ABCC5: variants seen among roughly 807,000 people sequenced by gnomAD.
ABCC5 encodes ATP binding cassette subfamily C member 5.
Under a neutral mutation model 160.9 loss-of-function variants are expected in ABCC5, and 61 were observed. That is an observed-to-expected ratio of 0.38 (90% CI 0.31 to 0.47). The LOEUF (loss-of-function observed/expected upper bound fraction) is 0.47. Among genes scored for constraint, ABCC5 ranks in the 20% least tolerant of loss-of-function variants. The pLI, the probability that ABCC5 is intolerant of heterozygous loss-of-function variation, is 0.99. For missense variants in ABCC5, 1,308 were observed against 1,813.3 expected (o/e 0.72, Z 5.06); for synonymous variants, 666 against 700.6 (o/e 0.95, Z 0.78).
intron 10 of ABCC5, 172 bp from the exon 11 acceptor site, chr3:183,972,091 C>CA: frequency 7.1e-7 from 1 of 1,416,672 alleles, no homozygotes; most frequent in Non-Finnish European, 9.6e-7. Flanking sequence ...ATCAAGGGGT[C>CA]ACGGGAGTGT....
In ABCC5 at chr3:183,987,038, A is replaced by G. The variant is rs1719282232; in HGVS notation, c.591+732T>C. 6.6e-6 allele frequency: 1 copy of G among 152,320 alleles called. No individual in the cohort carries two copies. Among genetic ancestry groups the G allele is most frequent in the Non-Finnish European group, 1.5e-5 (1 of 68,104 alleles). 9.4% of individuals were successfully genotyped at this position (152,320 alleles called of 1,614,324 possible). A position where few individuals can be genotyped will look rare whatever the true frequency, so the allele number is the denominator to read the frequency against. The stretch of plus-strand genomic sequence containing the variant: ...AAAACCATGAACCTCCAGCTTACCC[A>G]CATATGGAAAACGCACAGTACAAGC... On this transcript the variant is annotated intron_variant, in intron 5 of 29. Transcript: ENST00000334444. This position sits in a 1 kb window ranked among gnomAD's most constrained non-coding sequence, Gnocchi z 4.2.
intron 2 of ABCC5, among the ~76,000 whole-genome samples, chr3:184,011,734 T>C (rs1173564197): frequency 1.3e-5 from 2 of 152,182 alleles, no homozygotes; most frequent in African/African-American, 2.4e-5. Context: ...GAAAGAACTA[T>C]TGATGCACAC....
Position 183,971,602 on chromosome 3 carries a change from T to A in ABCC5, c.1722A>T (p.Leu574Phe). 6.2e-7 allele frequency: 1 copy of A among 1,614,158 alleles called. No homozygotes were observed. The highest frequency in any genetic ancestry group is 2.2e-5 in the East Asian group (1 of 44,880). The change falls in exon 11 of 30, where the codon TTA becomes TTT. Residue 574 changes from leucine to phenylalanine, a missense_variant. Coordinates refer to ENST00000334444, the MANE Select transcript of ABCC5 (RefSeq NM_005688.4). ...GATCGATGCTGTGCAGTGTCCTCTG[T>A]AAGCGCAGGTGGCCCAGGTGGATGT... ...GKHIHLGHLRLQRTLHSIDLE... is the reference protein window; with the variant it reads ...GKHIHLGHLRFQRTLHSIDLE...
intron 25 of ABCC5, 81 bp downstream of exon 25, chr3:183,942,646 A>G: frequency 6.5e-7 from 1 of 1,530,676 alleles, no homozygotes; most frequent in Admixed American, 1.7e-5. Flanking sequence ...ACAAACAAGG[A>G]TCCGGTTTAA....
At chr3:183,969,659 T>C (rs1346448399) in intron 11 of ABCC5, among the ~76,000 whole-genome samples, 9 of 146,504 alleles carry the variant, frequency 6.1e-5, no homozygotes, top group African/African-American at 2.3e-4. Flanking sequence ...GCTACTGCAC[T>C]CTAGCCTGGG....
chr3:183,989,122 G>C lies in ABCC5; in HGVS notation c.287+104C>G, dbSNP rs970552615. ...GGAGGCGGAGGTTGCAGTGAGCCGAGATCATGCCACTGGCGACAGAGCAAG... is the reference window on the plus strand; with the variant it reads ...GGAGGCGGAGGTTGCAGTGAGCCGACATCATGCCACTGGCGACAGAGCAAG... On this transcript the variant is annotated intron_variant, in intron 3 of 29. Coordinates refer to ENST00000334444, the MANE Select transcript of ABCC5 (RefSeq NM_005688.4). 20 of 1,179,846 alleles carry C rather than the reference G, an allele frequency of 1.7e-5. No homozygotes were observed. The African/African-American group carries it at 3.4e-4, about 20-fold the overall frequency. The allele number at this position is 1,179,846 out of a possible 1,614,324, so 73.1% of individuals were successfully genotyped here.
intron 15 of ABCC5, among the ~76,000 whole-genome samples, chr3:183,962,854 A>T (rs947271381): frequency 2.0e-5 from 3 of 152,142 alleles, no homozygotes; most frequent in Non-Finnish European, 4.4e-5. Flanking sequence ...GAATCTGCTG[A>T]TGGAGCCACA....
chr3:183,963,338 T>C lies in ABCC5; in HGVS notation c.2235+47A>G. ...TGGAGCAAACCTACCTCCCTGTTTCTGATTTCCCAAACTCAGGCAGGCAGC... is the reference window on the plus strand; with the variant it reads ...TGGAGCAAACCTACCTCCCTGTTTCCGATTTCCCAAACTCAGGCAGGCAGC... On this transcript the variant is annotated intron_variant, in intron 15 of 29. Coordinates refer to ENST00000334444, the MANE Select transcript of ABCC5 (RefSeq NM_005688.4). The surrounding 1 kb of genome is among the most constrained non-coding windows in gnomAD (Gnocchi z 4.6). The C allele has an allele frequency of 6.2e-7, 1 of 1,601,236 alleles. No homozygotes were observed. Among genetic ancestry groups the C allele is most frequent in the Non-Finnish European group, 8.6e-7 (1 of 1,168,308 alleles).
chr3:184,005,782 A>G (rs1022593650), intron 2 of ABCC5, among the ~76,000 whole-genome samples: 3 of 152,124 alleles, frequency 2.0e-5, no homozygotes, highest in African/African-American at 7.2e-5. Flanking sequence ...AAGTATAATA[A>G]TAACTAAAAA....
In ABCC5 at chr3:183,961,647, A is replaced by G. The variant is rs1339590857; in HGVS notation, c.2243T>C (p.Val748Ala). The change falls in exon 16 of 30, where the codon GTT becomes GCT. Residue 748 changes from valine to alanine, a missense_variant. Val to Ala is a moderately conservative substitution (Grantham distance 64). Transcript: ENST00000334444. ...LFVTHQLQYL[V>A]DCDEVIFMKE... ...CATGAAGATCACTTCATCACAGTCAACCAGGTACTGAAGGCAAAGGCAGAG... is the reference window on the plus strand; with the variant it reads ...CATGAAGATCACTTCATCACAGTCAGCCAGGTACTGAAGGCAAAGGCAGAG... 6.2e-7 allele frequency: 1 copy of G among 1,614,066 alleles called. No individual in the cohort carries two copies. The highest frequency in any genetic ancestry group is 1.3e-5 in the African/African-American group (1 of 74,922).
intron 5 of ABCC5, chr3:183,985,182 T>G: frequency 1.0e-6 from 1 of 954,776 alleles, no homozygotes. Flanking sequence ...CCAACCAAAA[T>G]TTAGTTTTTA....
intron 16 of ABCC5, among the ~76,000 whole-genome samples, chr3:183,960,679 C>T (rs1716636781): frequency 1.3e-5 from 2 of 152,184 alleles, no homozygotes; most frequent in African/African-American, 4.8e-5. Context: ...AGGCCCTACC[C>T]CTGAGAACTG....
At position 183,947,461 on chromosome 3, in the gene ABCC5, A is replaced by G; in HGVS notation, c.3277T>C (p.Cys1093Arg). 1 of 1,609,330 alleles carries G rather than the reference A, an allele frequency of 6.2e-7. No individual in the cohort carries two copies. Among genetic ancestry groups the G allele is most frequent in the East Asian group, 2.2e-5 (1 of 44,766 alleles). Reference sequence around the variant, plus strand: ...CGCACAGCCAGCCACCGCATCGCACACGTAAACAAAAAAAAAGGAGCTTGG... The same window carrying G: ...CGCACAGCCAGCCACCGCATCGCACGCGTAAACAAAAAAAAAGGAGCTTGG... ...DNQAPFFLFT[C>R]AMRWLAVRLD... is the part of the protein sequence containing the mutation. The change falls in exon 23 of 30, where the codon TGT becomes CGT. Residue 1093 changes from cysteine (C) to arginine (R), a missense_variant. This residue lies in a region of ABCC5 where 1,142 missense variants were observed against 1,527.1 expected (regional missense o/e 0.75). Coordinates refer to ENST00000334444, the MANE Select transcript of ABCC5 (RefSeq NM_005688.4).
chr3:183,936,512 AT>A (rs529613435), intron 26 of ABCC5, among the ~76,000 whole-genome samples: 223 of 130,502 alleles, frequency 1.7e-3, no homozygotes, highest in African/African-American at 2.7e-3. Flanking sequence ...TTTTAGAATG[AT>A]TTTTTTTTTT....
intron 26 of ABCC5, among the ~76,000 whole-genome samples, chr3:183,931,282 C>A (rs945196058): frequency 3.9e-5 from 6 of 151,942 alleles, no homozygotes; most frequent in Non-Finnish European, 5.9e-5. Context: ...GAGTAGCCGG[C>A]CCTATCAGAT....
rs561226054 is a variant in ABCC5, at chr3:183,987,496, C to T, written c.591+274G>A. On this transcript the variant is annotated intron_variant, in intron 5 of 29. Transcript: ENST00000334444. This position sits in a 1 kb window ranked among gnomAD's most constrained non-coding sequence, Gnocchi z 4.2. ...CCGACTGTCAGTTCATGTTAACACA[C>T]AACCGAGAAGCACAGTCCTGTGCAG... 5 of 604,228 alleles carry T rather than the reference C, an allele frequency of 8.3e-6. 1 individual carries two copies. Among genetic ancestry groups the T allele is most frequent in the East Asian group, 5.5e-5 (2 of 36,380 alleles). The allele number at this position is 604,228 out of a possible 1,614,324, so 37.4% of individuals were successfully genotyped here.
At chr3:183,950,949 C>T (rs1715287285) in intron 20 of ABCC5, among the ~76,000 whole-genome samples, 1 of 152,204 alleles carries the variant, frequency 6.6e-6, no homozygotes, top group Admixed American at 6.6e-5. Context: ...CAGATAGCAG[C>T]TTTCTCATTA....
intron 2 of ABCC5, among the ~76,000 whole-genome samples, chr3:184,005,655 T>TA (rs772046700): frequency 1.4e-5 from 2 of 140,214 alleles, no homozygotes; most frequent in Non-Finnish European, 3.1e-5. Flanking sequence ...GGGGGAGGGA[T>TA]AGCATTAGGA....
chr3:183,956,418 CATATCGGTT>C (rs2108805743), intron 17 of ABCC5, among the ~76,000 whole-genome samples: 1 of 151,536 alleles, frequency 6.6e-6, no homozygotes, highest in African/African-American at 2.4e-5. Flanking sequence ...GTGTGTATAT[CATATCGGTT>C]ACATGCAGAT....
Sources: gnomAD v4.1 joint callset for allele counts (sites outside exome capture counted in the v4.1 genomes callset) on GRCh38, gnomAD v4.1.1 for gene constraint, gnomAD v4.1.1 regional missense constraint, Gnocchi (gnomAD v3.1) non-coding constraint, MANE v1.5 for transcripts, NCBI Gene and HGNC (gene_info 2026-07-23, HGNC 2026-07-21) for gene names.